The following EXOC4 variants were observed in gnomAD, a reference collection of about 807,000 sequenced individuals.
The protein encoded by EXOC4 is exocyst complex component 4.
EXOC4 carries 71 observed loss-of-function variants against 107.2 expected under a neutral mutation model. That is an observed-to-expected ratio of 0.66 (90% CI 0.55 to 0.81). The LOEUF is 0.81. EXOC4 is among the 30% of genes least tolerant of loss of function. The probability of loss-of-function intolerance (pLI) is 0.00; values close to 1 mark genes in which losing one functional copy is unlikely to be tolerated. For synonymous variants in EXOC4, 456 were observed against 441.2 expected, an observed-to-expected ratio of 1.03 and a Z score of -0.42; for missense variants, 1,108 against 1,189.6, an observed-to-expected ratio of 0.93 and a Z score of 1.01.
chr7:133,527,689 G>T (rs1460600324), intron 9 of EXOC4, among the ~76,000 whole-genome samples: 5 of 152,126 alleles, frequency 3.3e-5, no homozygotes, highest in African/African-American at 1.2e-4. Flanking sequence ...GGTTCATTTT[G>T]TGATGCATAG....
intron 14 of EXOC4, among the ~76,000 whole-genome samples, chr7:133,961,938 TG>T (rs1345521994): frequency 6.6e-6 from 1 of 152,170 alleles, no homozygotes; most frequent in East Asian, 1.9e-4. Flanking sequence ...CAGCAGCCTA[TG>T]GGGGAAGGTG....
At chr7:133,963,909 G>T (rs535901754) in intron 14 of EXOC4, among the ~76,000 whole-genome samples, 3 of 152,268 alleles carry the variant, frequency 2.0e-5, no homozygotes, top group African/African-American at 4.8e-5. Flanking sequence ...TTTTAACGTG[G>T]TTACCTAGGA....
At chr7:134,043,036 G>A (rs143372311) in intron 17 of EXOC4, among the ~76,000 whole-genome samples, 65 of 152,242 alleles carry the variant, frequency 4.3e-4, no homozygotes, top group Non-Finnish European at 7.5e-4. Flanking sequence ...TTAAGACTCC[G>A]TCTCAATCAG....
chr7:133,813,687 C>T (rs547113611), intron 10 of EXOC4, among the ~76,000 whole-genome samples: 55 of 152,198 alleles, frequency 3.6e-4, no homozygotes, highest in Middle Eastern at 6.8e-3. Context: ...TTTAAAGATC[C>T]ATTATATTTT....
At chr7:133,391,644 G>A (rs547952554) in intron 7 of EXOC4, among the ~76,000 whole-genome samples, 133 of 152,298 alleles carry the variant, frequency 8.7e-4, no homozygotes, top group African/African-American at 3.0e-3. Flanking sequence ...TTCAGAGATA[G>A]GATGATGTTG....
intron 10 of EXOC4, among the ~76,000 whole-genome samples, chr7:133,711,435 C>T (rs1188644340): frequency 6.6e-6 from 1 of 152,134 alleles, no homozygotes; most frequent in African/African-American, 2.4e-5. Flanking sequence ...TAAAAATACA[C>T]ACGATCACTT....
At chr7:134,096,880 C>A in the EXOC4 span, among the ~76,000 whole-genome samples, 6 of 151,856 alleles carry the variant, frequency 4.0e-5, no homozygotes, top group African/African-American at 1.5e-4. Context: ...TTTTGTAACA[C>A]CCTCACAGAC....
intron 17 of EXOC4, among the ~76,000 whole-genome samples, chr7:134,025,803 T>C (rs1795125765): frequency 6.6e-6 from 1 of 152,218 alleles, no homozygotes; most frequent in African/African-American, 2.4e-5. Context: ...TCAAGCCTTT[T>C]TAAGGCCTAG....
At chr7:133,941,926 C>G (rs1800440931) in intron 14 of EXOC4, among the ~76,000 whole-genome samples, 1 of 151,368 alleles carries the variant, frequency 6.6e-6, no homozygotes, top group South Asian at 2.1e-4. Flanking sequence ...ATAATGCTGG[C>G]TCTTTGTAAT....
chr7:133,654,102 G>T (rs916409091), intron 10 of EXOC4, among the ~76,000 whole-genome samples: 3 of 152,168 alleles, frequency 2.0e-5, no homozygotes, highest in African/African-American at 7.2e-5. Context: ...AGTGCACTGG[G>T]TGGTCTCTGT....
intron 7 of EXOC4, among the ~76,000 whole-genome samples, chr7:133,393,161 A>AT (rs775128903): frequency 3.3e-5 from 5 of 152,202 alleles, no homozygotes; most frequent in Non-Finnish European, 4.4e-5. Flanking sequence ...TCCATTGATC[A>AT]TTTCCCTTCA....
chr7:133,862,841 C>T (rs1281232729), intron 11 of EXOC4, among the ~76,000 whole-genome samples: 1 of 151,868 alleles, frequency 6.6e-6, no homozygotes, highest in East Asian at 1.9e-4. Context: ...AGATTTATGT[C>T]AACAGTGAGA....
At chr7:133,519,331 G>T (rs541100485) in intron 9 of EXOC4, among the ~76,000 whole-genome samples, 72 of 152,186 alleles carry the variant, frequency 4.7e-4, no homozygotes, top group African/African-American at 1.6e-3. Context: ...GCTGAGGTGG[G>T]ATAATCGCTT....
intron 9 of EXOC4, among the ~76,000 whole-genome samples, chr7:133,482,924 G>A (rs1316637556): frequency 6.6e-6 from 1 of 152,038 alleles, no homozygotes. Flanking sequence ...CGCTCATTTG[G>A]ATGGGCTTCC....
intron 6 of EXOC4, 33 bp from the exon 7 acceptor site, chr7:133,374,795 G>T (rs779887266): frequency 8.2e-6 from 13 of 1,587,606 alleles, no homozygotes; most frequent in East Asian, 2.3e-5. Context: ...GTGTACGTAT[G>T]TGTAAATGTT....
chr7:133,639,814 G>A (rs12540206), intron 10 of EXOC4, among the ~76,000 whole-genome samples: 60,777 of 151,544 alleles, frequency 0.4, 12,549 homozygotes, highest in South Asian at 0.52. Flanking sequence ...TTTTAAACTC[G>A]ATGAGCATTC....
At chr7:133,613,272 C>G (rs1802114633) in intron 9 of EXOC4, among the ~76,000 whole-genome samples, 1 of 152,070 alleles carries the variant, frequency 6.6e-6, no homozygotes, top group African/African-American at 2.4e-5. Context: ...CATGAAGATG[C>G]AGTGTTAAAT....
intron 10 of EXOC4, among the ~76,000 whole-genome samples, chr7:133,770,539 T>G (rs112508265): frequency 8.4e-4 from 127 of 152,066 alleles, no homozygotes; most frequent in African/African-American, 2.9e-3. Context: ...CTTAATCAGA[T>G]TTGTATTCAG....
At chr7:133,812,407 T>C (rs1293781047) in intron 10 of EXOC4, among the ~76,000 whole-genome samples, 1 of 152,096 alleles carries the variant, frequency 6.6e-6, no homozygotes, top group Admixed American at 6.5e-5. Flanking sequence ...TGCTCGAGAC[T>C]GTGCATTCCA....
Sources: gnomAD v4.1 joint callset for allele counts (sites outside exome capture counted in the v4.1 genomes callset) on GRCh38, gnomAD v4.1.1 for gene constraint, MANE v1.5 for transcripts, NCBI Gene and HGNC (gene_info 2026-07-23, HGNC 2026-07-21) for gene names.